TRPM3: variants seen among roughly 807,000 people sequenced by gnomAD.
TRPM3 encodes transient receptor potential cation channel subfamily M member 3, also known as long transient receptor potential channel 3.
A neutral mutation model predicts 181.2 loss-of-function variants in TRPM3; 77 were observed. That is an observed-to-expected ratio of 0.42 (90% CI 0.35 to 0.51). The LOEUF (loss-of-function observed/expected upper bound fraction) is 0.51, where lower values mean the gene tolerates loss of function less well. TRPM3 is among the 20% of genes least tolerant of loss of function. The probability of loss-of-function intolerance (pLI) is 0.01; values close to 1 mark genes in which losing one functional copy is unlikely to be tolerated. For missense variants in TRPM3, 1,759 were observed against 2,196.7 expected, an observed-to-expected ratio of 0.80 and a Z score of 3.98; for synonymous variants, 745 against 796.4, an observed-to-expected ratio of 0.94 and a Z score of 1.09.
chr9:70,643,310 G>A (rs777468372), intron 9 of TRPM3, among the ~76,000 whole-genome samples: 8 of 152,158 alleles, frequency 5.3e-5, no homozygotes, highest in Non-Finnish European at 1.0e-4. Flanking sequence ...CTACTGGTTG[G>A]TGCTGACTTG....
intron 1 of TRPM3, among the ~76,000 whole-genome samples, chr9:71,374,238 G>T (rs906186800): frequency 4.6e-5 from 7 of 152,102 alleles, no homozygotes; most frequent in Non-Finnish European, 8.8e-5. Context: ...GCCAGGTGTG[G>T]TGGCACGTGC....
At chr9:70,644,602 T>C (rs1269933345) in intron 9 of TRPM3, among the ~76,000 whole-genome samples, 2 of 152,164 alleles carry the variant, frequency 1.3e-5, no homozygotes, top group Admixed American at 6.5e-5. Context: ...GCCAATATCA[T>C]ACTGAATGGG....
upstream of TRPM3, among the ~76,000 whole-genome samples, chr9:71,122,846 T>G (rs2073794767): frequency 6.6e-6 from 1 of 152,248 alleles, no homozygotes; most frequent in African/African-American, 2.4e-5. Context: ...TGTCTCTGAT[T>G]ATCTACCAAA....
intron 1 of TRPM3, among the ~76,000 whole-genome samples, chr9:71,240,362 T>C (rs1371760840): frequency 2.6e-5 from 4 of 152,218 alleles, no homozygotes; most frequent in African/African-American, 2.4e-5. Context: ...GCAAGAATTA[T>C]GCTGTGTTCA....
At chr9:70,592,785 C>G (rs1002444886) in intron 21 of TRPM3, among the ~76,000 whole-genome samples, 7 of 152,086 alleles carry the variant, frequency 4.6e-5, no homozygotes, top group Non-Finnish European at 7.4e-5. Flanking sequence ...GGCTAGAGTG[C>G]AGTGGAGCGA....
chr9:71,247,859 G>A (rs1460184568), intron 1 of TRPM3, among the ~76,000 whole-genome samples: 1 of 152,148 alleles, frequency 6.6e-6, no homozygotes, highest in Non-Finnish European at 1.5e-5. Flanking sequence ...AGGAGGTCCA[G>A]AGACTTAAAT....
At chr9:70,844,351 A>AGCT (rs1400331289) in intron 4 of TRPM3, among the ~76,000 whole-genome samples, 1 of 152,210 alleles carries the variant, frequency 6.6e-6, no homozygotes, top group Non-Finnish European at 1.5e-5. Flanking sequence ...AATCATGTTG[A>AGCT]GCTATTCAAC....
At position 70,598,781 on chromosome 9, in the gene TRPM3, T is replaced by C. The variant is rs746740991; in HGVS notation, c.2797-111A>G. On this transcript the variant is annotated intron_variant, in intron 20 of 25. Transcript: ENST00000677713. Reference sequence around the variant, plus strand: ...ATGTTAGTAGCTTGCTTTGTCTACCTATATCTACTTAAATACTTGCATGCT... The same window carrying C: ...ATGTTAGTAGCTTGCTTTGTCTACCCATATCTACTTAAATACTTGCATGCT... The C allele has an allele frequency of 1.5e-5, 19 of 1,280,248 alleles. 1 individual carries two copies. Among genetic ancestry groups the C allele is most frequent in the East Asian group, 2.3e-5 (1 of 42,868 alleles). 79.3% of individuals were successfully genotyped at this position (1,280,248 alleles called of 1,614,324 possible).
chr9:70,746,640 G>A (rs1261022978), intron 8 of TRPM3, among the ~76,000 whole-genome samples: 1 of 152,106 alleles, frequency 6.6e-6, no homozygotes, highest in East Asian at 1.9e-4. Flanking sequence ...CAGGGCATGT[G>A]CAACCCTTGG....
intron 1 of TRPM3, among the ~76,000 whole-genome samples, chr9:71,192,296 G>C (rs2078079248): frequency 6.6e-6 from 1 of 151,764 alleles, no homozygotes; most frequent in African/African-American, 2.4e-5. Context: ...GTAAAATCAT[G>C]AGAATTATGA....
At chr9:70,588,504 C>T (rs562053021) in intron 22 of TRPM3, among the ~76,000 whole-genome samples, 26 of 151,324 alleles carry the variant, frequency 1.7e-4, no homozygotes, top group African/African-American at 2.4e-4. Flanking sequence ...ACACGCATTC[C>T]GTTAGAAATG....
chr9:71,426,317 GT>G (rs918183204), intron 1 of TRPM3, among the ~76,000 whole-genome samples: 1 of 151,094 alleles, frequency 6.6e-6, no homozygotes, highest in African/African-American at 2.4e-5. Flanking sequence ...GTTTTTTGAG[GT>G]TTTTTTAATG....
In TRPM3 at chr9:70,537,212, A is replaced by G; in HGVS notation, c.3901T>C (p.Cys1301Arg). Residue 1301 changes from cysteine to arginine, a missense_variant, in exon 26 of 26, where the codon TGC becomes CGC. Coordinates refer to ENST00000677713, the MANE Select transcript of TRPM3 (RefSeq NM_001366145.2). ...NKIRSRTSSD[C>R]TDAAYIVRQS... ...CGGACAATGTAGGCGGCGTCCGTGC[A>G]GTCTGACGAGGTCCTCGAGCGGATT... The G allele has an allele frequency of 6.3e-7, 1 of 1,597,276 alleles. No homozygotes were observed. The highest frequency in any genetic ancestry group is 8.6e-7 in the Non-Finnish European group (1 of 1,167,896).
chr9:71,114,567 C>T (rs1206738189), intron 1 of TRPM3, among the ~76,000 whole-genome samples: 1 of 152,178 alleles, frequency 6.6e-6, no homozygotes, highest in Non-Finnish European at 1.5e-5. Context: ...TCTTCCTCCT[C>T]CTTTCTGTCC....
chr9:70,543,322 A>G (rs2043977470), intron 25 of TRPM3, among the ~76,000 whole-genome samples: 1 of 152,216 alleles, frequency 6.6e-6, no homozygotes, highest in African/African-American at 2.4e-5. Context: ...TATCCTCTCA[A>G]TCATTTATCC....
intron 1 of TRPM3, among the ~76,000 whole-genome samples, chr9:71,146,103 ATCTT>A (rs879742921): frequency 6.6e-6 from 1 of 152,264 alleles, no homozygotes; most frequent in Admixed American, 6.5e-5. Flanking sequence ...AACACATATT[ATCTT>A]TGTGTATTTG....
chr9:70,881,392 C>T (rs2095990241), intron 1 of TRPM3, among the ~76,000 whole-genome samples: 1 of 152,090 alleles, frequency 6.6e-6, no homozygotes, highest in Non-Finnish European at 1.5e-5. Flanking sequence ...CACCCCCATA[C>T]AAAAACCCAT....
chr9:70,843,103 G>T lies in TRPM3; in HGVS notation c.701C>A (p.Ala234Asp), dbSNP rs374486757. Residue 234 changes from alanine to aspartate, a missense_variant, in exon 5 of 26, where the codon GCC becomes GAC. Physicochemically the swap from Ala to Asp is moderately radical, Grantham distance 126 (BLOSUM62 -2). Around this residue, in one of 8 missense-constraint regions of TRPM3, gnomAD observed 737 missense variants for 957.4 expected, o/e 0.77. Transcript: ENST00000677713. ...NTGVIRHVGD[A>D]LKDHASKSRG... ...AGACTTAGAGGCATGATCCTTCAAG[G>T]CATCGCCAACATGACGAATAACACC... is the stretch of plus-strand genomic sequence containing the variant. 2 of 1,608,874 alleles carry T rather than the reference G, an allele frequency of 1.2e-6. No homozygotes were observed. The highest frequency in any genetic ancestry group is 1.7e-6 in the Non-Finnish European group (2 of 1,178,716).
chr9:70,965,016 A>C (rs2097172196), intron 1 of TRPM3, among the ~76,000 whole-genome samples: 2 of 151,956 alleles, frequency 1.3e-5, no homozygotes, highest in African/African-American at 2.4e-5. Flanking sequence ...TGTTGTTCCT[A>C]ATCTTATCAT....
Sources: allele counts gnomAD v4.1 joint callset (sites outside exome capture counted in the v4.1 genomes callset), GRCh38; gene constraint gnomAD v4.1.1; regional missense constraint gnomAD v4.1.1; transcripts MANE v1.5; gene names NCBI Gene and HGNC (gene_info 2026-07-23, HGNC 2026-07-21).